UNK: variants seen among roughly 807,000 people sequenced by gnomAD.
UNK encodes the protein RING finger protein unkempt homolog.
A neutral mutation model predicts 97.6 loss-of-function variants in UNK; 32 were observed. The observed-to-expected ratio is 0.33, with a 90% CI of 0.25 to 0.44. The LOEUF is 0.44. Ranked by LOEUF, UNK falls within the 20% of genes least tolerant of loss-of-function variation. The probability of loss-of-function intolerance (pLI) is 1.00; values close to 1 mark genes in which losing one functional copy is unlikely to be tolerated. For synonymous variants in UNK, 441 were observed against 461.2 expected (o/e 0.96, Z 0.56); for missense variants, 771 against 1,098.4 (o/e 0.70, Z 4.21).
At position 75,824,297 on chromosome 17, in the gene UNK, G is replaced by A. The variant is rs1175312059; in HGVS notation, c.2313G>A (p.Lys771=). ...ACATGCAGTCGGTGAAATGCCTTAAGTGTCAGGAACAGAAGCGGGCAGTGC... is the reference window on the plus strand; with the variant it reads ...ACATGCAGTCGGTGAAATGCCTTAAATGTCAGGAACAGAAGCGGGCAGTGC... ...VFHMQSVKCL[K]CQEQKRAVLP... Residue 771 remains lysine, a synonymous_variant, in exon 16 of 16, where the codon AAG becomes AAA. Coordinates refer to ENST00000589666, the MANE Select transcript of UNK (RefSeq NM_001080419.3). The surrounding 1 kb of genome is among the most constrained non-coding windows in gnomAD (Gnocchi z 4.9). 2.5e-6 allele frequency: 4 copies of A among 1,604,398 alleles called. No individual in the cohort carries two copies. Among genetic ancestry groups the A allele is most frequent in the Non-Finnish European group, 3.4e-6 (4 of 1,176,008 alleles).
intron 1 of UNK, among the ~76,000 whole-genome samples, chr17:75,802,835 TA>T (rs2061873545): frequency 6.6e-6 from 1 of 152,138 alleles, no homozygotes; most frequent in African/African-American, 2.4e-5. Context: ...AGTAGTCAAT[TA>T]AAAAAGAAGG....
In UNK at chr17:75,818,774, C is replaced by T; in HGVS notation, c.1504C>T (p.Leu502=). 4 of 1,612,336 alleles carry T rather than the reference C, an allele frequency of 2.5e-6. No individual in the cohort carries two copies. Among genetic ancestry groups the T allele is most frequent in the South Asian group, 2.2e-5 (2 of 90,746 alleles). ...CGTCCCCGGCATGAATGCAAACGCT[C>T]TGCCCTTCTACCCCACCAGCGACAC... ...SSVPGMNANA[L]PFYPTSDTVE... The change falls in exon 11 of 16, where the codon CTG becomes TTG. Residue 502 remains leucine (L), a synonymous_variant. Coordinates refer to ENST00000589666, the MANE Select transcript of UNK (RefSeq NM_001080419.3). The surrounding 1 kb of genome is among the most constrained non-coding windows in gnomAD (Gnocchi z 5.1).
chr17:75,820,997 C>T (rs1178206255), intron 13 of UNK, among the ~76,000 whole-genome samples: 1 of 151,780 alleles, frequency 6.6e-6, no homozygotes, highest in Non-Finnish European at 1.5e-5. Flanking sequence ...ATTCTGTCAG[C>T]TTTAGGTGCT....
chr17:75,815,253 C>G lies in UNK; in HGVS notation c.961C>G (p.Gln321Glu). ...GPFCAFAHVE[Q>E]PPLSDDLQPS... ...CTTCTGCGCCTTTGCCCACGTAGAACGTATGCTGTTCCCATTGCCCCGGGG... is the reference window on the plus strand; with the variant it reads ...CTTCTGCGCCTTTGCCCACGTAGAAGGTATGCTGTTCCCATTGCCCCGGGG... Residue 321 changes from glutamine (Q) to glutamate (E), a missense_variant and splice_region_variant, in exon 7 of 16, where the codon CAG becomes GAG. Gln to Glu is a conservative substitution (Grantham distance 29). Coordinates refer to ENST00000589666, the MANE Select transcript of UNK (RefSeq NM_001080419.3). 9 of 1,612,678 alleles carry G rather than the reference C, an allele frequency of 5.6e-6. No homozygotes were observed. Among genetic ancestry groups the G allele is most frequent in the Non-Finnish European group, 6.8e-6 (8 of 1,179,238 alleles).
intron 1 of UNK, chr17:75,792,159 A>G (rs890651634): frequency 3.7e-5 from 33 of 896,058 alleles, no homozygotes; most frequent in Non-Finnish European, 4.4e-5. Context: ...TCTCATTAGG[A>G]GAGACTCCAG....
chr17:75,805,102 A>C (rs2061899157), intron 1 of UNK, among the ~76,000 whole-genome samples: 1 of 150,220 alleles, frequency 6.7e-6, no homozygotes, highest in African/African-American at 2.5e-5. Context: ...AATGGCGTGA[A>C]CCCAGGAGGC....
In UNK at chr17:75,812,578, G is replaced by T; in HGVS notation, c.615G>T (p.Arg205=). ...MIEKILSEEP[R]WQETAYVLGN... ...AAAAGATCCTCAGCGAGGAGCCTCG[G>T]TGGCAAGGTACAGGCATCCACACCT... Residue 205 remains arginine (R), a synonymous_variant, in exon 4 of 16, where the codon CGG becomes CGT. Transcript: ENST00000589666. 1 of 1,612,992 alleles carries T rather than the reference G, an allele frequency of 6.2e-7. No individual in the cohort carries two copies. The highest frequency in any genetic ancestry group is 1.1e-5 in the South Asian group (1 of 91,026).
intron 1 of UNK, among the ~76,000 whole-genome samples, chr17:75,786,327 ACTT>A (rs1263457788): frequency 4.6e-5 from 7 of 152,150 alleles, no homozygotes; most frequent in Non-Finnish European, 1.0e-4. Context: ...CGTAATTGGA[ACTT>A]CTTTATAATC....
rs368755581 is a variant in UNK at position 75,817,517 on chromosome 17, C to T, written c.1296C>T (p.Phe432=). The T allele has an allele frequency of 6.2e-7, 1 of 1,608,020 alleles. No individual in the cohort carries two copies. ...TGGGAGCCGAGTACCTGAAAAATTT[C>T]AAATGCCAGGTAAGGGATGAGGGAG... ...DQVGAEYLKN[F]KCQAKLKPHS... The change falls in exon 9 of 16, where the codon TTC becomes TTT. Residue 432 remains phenylalanine (F), a synonymous_variant. Transcript: ENST00000589666. The surrounding 1 kb of genome is among the most constrained non-coding windows in gnomAD (Gnocchi z 5.8).
In UNK at chr17:75,824,613, GTGTC is replaced by G. The variant is rs1040625671; in HGVS notation, c.*200_*203del. 1.7e-5 allele frequency: 5 copies of G among 293,788 alleles called. No individual in the cohort carries two copies. Among genetic ancestry groups the G allele is most frequent in the African/African-American group, 1.1e-4 (5 of 45,546 alleles). The allele number at this position is 293,788 out of a possible 1,614,324, so 18.2% of individuals were successfully genotyped here. A position where few individuals can be genotyped will look rare whatever the true frequency, so the allele number is the denominator to read the frequency against. On this transcript the variant is annotated 3_prime_UTR_variant, in exon 16 of 16. Coordinates refer to ENST00000589666, the MANE Select transcript of UNK (RefSeq NM_001080419.3). This position sits in a 1 kb window ranked among gnomAD's most constrained non-coding sequence, Gnocchi z 4.9. ...GCAGGTATGCGTGGTGGTGTGGACA[GTGTC>G]TGTGTGTATATCTGTACATAGATAT...
chr17:75,810,292 G>A (rs1368647067), intron 2 of UNK, among the ~76,000 whole-genome samples: 2 of 152,240 alleles, frequency 1.3e-5, no homozygotes, highest in African/African-American at 4.8e-5. Flanking sequence ...AAAGCTGGCT[G>A]TTTAGAGAGA....
intron 1 of UNK, chr17:75,793,446 G>C: frequency 2.0e-6 from 2 of 985,290 alleles, no homozygotes; most frequent in Non-Finnish European, 2.4e-6. Flanking sequence ...TTGCCAGTGT[G>C]TAGAATTTGA....
chr17:75,810,563 CTTTT>C (rs1454929052), intron 2 of UNK, among the ~76,000 whole-genome samples: 2 of 152,162 alleles, frequency 1.3e-5, no homozygotes, highest in Non-Finnish European at 2.9e-5. Flanking sequence ...AGCCCTCTTT[CTTTT>C]TTAAAATTTT....
In UNK at chr17:75,805,810, A is replaced by ATTGTGTG. The variant is rs368975341; in HGVS notation, c.105-3949_105-3948insTGTGTGT. Among the ~76,000 whole-genome samples, 6 of 145,294 alleles carry ATTGTGTG rather than the reference A, an allele frequency of 4.1e-5. No individual in the cohort carries two copies. The South Asian group carries it at 6.6e-4, about 16-fold the overall frequency. On this transcript the variant is annotated intron_variant, in intron 1 of 15. Coordinates refer to ENST00000589666, the MANE Select transcript of UNK (RefSeq NM_001080419.3). The stretch of plus-strand genomic sequence containing the variant: ...GAGCCCCTGCCTTATAAAAAGAAAA[A>ATTGTGTG]TGTGTGTGTGTGTGTGTGTGTGTGT...
intron 1 of UNK, among the ~76,000 whole-genome samples, chr17:75,797,645 G>A (rs2061818882): frequency 6.6e-6 from 1 of 152,216 alleles, no homozygotes; most frequent in South Asian, 2.1e-4. Flanking sequence ...CCCTGTCTTT[G>A]CCAGCTGCTG....
chr17:75,805,672 G>A (rs532465240), intron 1 of UNK, among the ~76,000 whole-genome samples: 3 of 151,680 alleles, frequency 2.0e-5, no homozygotes, highest in African/African-American at 4.8e-5. Context: ...GGGGGCACGC[G>A]CCTATAGTCC....
chr17:75,791,956 C>T (rs2061766974), intron 1 of UNK: 1 of 985,150 alleles, frequency 1.0e-6, no homozygotes, highest in African/African-American at 1.7e-5. Flanking sequence ...GATAAGTGCA[C>T]AAAAGCAAGA....
At position 75,812,420 on chromosome 17, in the gene UNK, CT is replaced by C. The variant is rs746952168; in HGVS notation, c.492-34del. 4.3e-5 allele frequency: 68 copies of C among 1,598,260 alleles called. No individual in the cohort carries two copies. The East Asian group carries it at 1.5e-3, about 35-fold the overall frequency. ...TCTGGTTCTTGCCCCCTCATGCCCC[CT>C]CTCCACCCTCTCTGTTCTTTCCTCT... On this transcript the variant is annotated intron_variant, in intron 3 of 15. Coordinates refer to ENST00000589666, the MANE Select transcript of UNK (RefSeq NM_001080419.3).
At position 75,818,940 on chromosome 17, in the gene UNK, G is replaced by A; in HGVS notation, c.1546+124G>A. On this transcript the variant is annotated intron_variant, in intron 11 of 15. Coordinates refer to ENST00000589666, the MANE Select transcript of UNK (RefSeq NM_001080419.3). This position sits in a 1 kb window ranked among gnomAD's most constrained non-coding sequence, Gnocchi z 5.1. Reference sequence around the variant, plus strand: ...TAGACATCTGTCTTCGGAAAATCAGGGGATGGGCACTCTGAGTCCTTTGAG... The same window carrying A: ...TAGACATCTGTCTTCGGAAAATCAGAGGATGGGCACTCTGAGTCCTTTGAG... 1 of 1,175,036 alleles carries A rather than the reference G, an allele frequency of 8.5e-7. No individual in the cohort carries two copies. The allele number at this position is 1,175,036 out of a possible 1,614,324, so 72.8% of individuals were successfully genotyped here.
Sources: allele counts gnomAD v4.1 joint callset (sites outside exome capture counted in the v4.1 genomes callset), GRCh38; gene constraint gnomAD v4.1.1; non-coding constraint Gnocchi (gnomAD v3.1); transcripts MANE v1.5; gene names NCBI Gene and HGNC (gene_info 2026-07-23, HGNC 2026-07-21).